HIP1R: variants seen among roughly 807,000 people sequenced by gnomAD.
The protein encoded by HIP1R is huntingtin-interacting protein 1-related protein.
A neutral mutation model predicts 144.2 loss-of-function variants in HIP1R; 135 were observed. The ratio of observed to expected loss-of-function variants is 0.94; its 90% CI spans 0.81 to 1.08. The LOEUF is 1.08. Among genes scored for constraint, HIP1R ranks in the 50% least tolerant of loss-of-function variants. The pLI is 0.00. For synonymous variants in HIP1R, 698 were observed against 612.8 expected, an observed-to-expected ratio of 1.14 and a Z score of -2.05; for missense variants, 1,462 against 1,432.8, an observed-to-expected ratio of 1.02 and a Z score of -0.33.
chr12:122,851,712 C>G (rs1342790148), intron 7 of HIP1R, among the ~76,000 whole-genome samples: 2 of 150,508 alleles, frequency 1.3e-5, no homozygotes, highest in Non-Finnish European at 3.0e-5. Context: ...AAGAAATGCC[C>G]CTGCCCCTCC....
chr12:122,854,219 T>C (rs1440190135), intron 8 of HIP1R, 36 bp downstream of exon 8: 1 of 1,592,498 alleles, frequency 6.3e-7, no homozygotes, highest in East Asian at 2.3e-5. Flanking sequence ...CCCGGAAGGC[T>C]GTGTTTATAT....
rs955351384 is a variant in HIP1R at position 122,860,838 on chromosome 12, G to C, written c.2766+54G>C. 5.6e-6 allele frequency: 9 copies of C among 1,598,276 alleles called. No homozygotes were observed. The Middle Eastern group carries it at 6.7e-4, about 118-fold the overall frequency. ...TGGGCTCTGGGCCCAGCTTGGCCTGGGCTGTGGCTGCCAAGCCCAGGCCTG... is the reference window on the plus strand; with the variant it reads ...TGGGCTCTGGGCCCAGCTTGGCCTGCGCTGTGGCTGCCAAGCCCAGGCCTG... On this transcript the variant is annotated intron_variant, in intron 28 of 31. Coordinates refer to ENST00000253083, the MANE Select transcript of HIP1R (RefSeq NM_003959.3).
In HIP1R at chr12:122,856,018, T is replaced by G; in HGVS notation, c.1167T>G (p.Asn389Lys). Residue 389 changes from asparagine (N) to lysine (K), a missense_variant, in exon 14 of 32, where the codon AAT becomes AAG. Around this residue, in one of 2 missense-constraint regions of HIP1R, gnomAD observed 1,112 missense variants for 1,011.7 expected, o/e 1.10. Coordinates refer to ENST00000253083, the MANE Select transcript of HIP1R (RefSeq NM_003959.3). ...TCGCGCAGCTGAAGAGCCAGGTGAA[T>G]GCACTGGAGGGTGAGCTGGAGGAGC... ...RYIAQLKSQVNALEGELEEQR... is the reference protein window; with the variant it reads ...RYIAQLKSQVKALEGELEEQR... 6.3e-7 allele frequency: 1 copy of G among 1,596,450 alleles called. No individual in the cohort carries two copies. The highest frequency in any genetic ancestry group is 1.1e-5 in the South Asian group (1 of 88,224).
chr12:122,839,267 G>A (rs985237210), intron 1 of HIP1R, among the ~76,000 whole-genome samples: 2 of 152,214 alleles, frequency 1.3e-5, no homozygotes, highest in African/African-American at 2.4e-5. Flanking sequence ...GCTTCACTGG[G>A]CCTCAGTTTC....
chr12:122,853,806 G>A (rs1245093616), intron 7 of HIP1R: 6 of 431,246 alleles, frequency 1.4e-5, no homozygotes, highest in Non-Finnish European at 2.5e-5. Flanking sequence ...GGAAGCCCTT[G>A]CTGAGCTGGG....
At chr12:122,852,193 C>T (rs1055482171) in intron 7 of HIP1R, among the ~76,000 whole-genome samples, 2 of 152,340 alleles carry the variant, frequency 1.3e-5, no homozygotes, top group East Asian at 1.9e-4. Flanking sequence ...TTTGGGCAGC[C>T]TCCCTGAGTC....
chr12:122,857,909 T>G, intron 18 of HIP1R, 193 bp from the exon 19 acceptor site: 1 of 454,850 alleles, frequency 2.2e-6, no homozygotes, highest in Non-Finnish European at 3.9e-6. Flanking sequence ...TGAGCTCACG[T>G]TTTAATTGGG....
intron 1 of HIP1R, among the ~76,000 whole-genome samples, chr12:122,846,894 C>G (rs1351853776): frequency 6.6e-6 from 1 of 152,224 alleles, no homozygotes; most frequent in South Asian, 2.1e-4. Flanking sequence ...ATTGGATGTC[C>G]TCTGCTCCGG....
chr12:122,861,040 G>A lies in HIP1R; in HGVS notation c.2890+1G>A. Reference sequence around the variant, plus strand: ...GGCCAGGAGCAGATTGAGGACAGAGGTGAGTGCCAGATGCCAACGGGGGCT... The same window carrying A: ...GGCCAGGAGCAGATTGAGGACAGAGATGAGTGCCAGATGCCAACGGGGGCT... On this transcript the variant is annotated splice_donor_variant, in intron 29 of 31. Transcript: ENST00000253083. LOFTEE classifies it high-confidence loss of function. The A allele has an allele frequency of 1.2e-6, 2 of 1,613,700 alleles. No individual in the cohort carries two copies. The highest frequency in any genetic ancestry group is 1.7e-6 in the Non-Finnish European group (2 of 1,180,016).
rs540891133 is a variant in HIP1R at position 122,859,848 on chromosome 12, C to G, written c.2465+18C>G. The G allele has an allele frequency of 6.2e-6, 10 of 1,607,614 alleles. No individual in the cohort carries two copies. Among genetic ancestry groups the G allele is most frequent in the Non-Finnish European group, 7.6e-6 (9 of 1,176,474 alleles). On this transcript the variant is annotated intron_variant, in intron 24 of 31. Coordinates refer to ENST00000253083, the MANE Select transcript of HIP1R (RefSeq NM_003959.3). The stretch of plus-strand genomic sequence containing the variant: ...AACGAGAGGTGAGCCCCCCTTCTGT[C>G]CCCCCAGGCCCAGCCGAGGTGGGCT...
intron 5 of HIP1R, 42 bp from the exon 6 acceptor site, chr12:122,850,793 G>GA (rs755805906): frequency 2.3e-5 from 35 of 1,490,806 alleles, no homozygotes; most frequent in Middle Eastern, 4.3e-4. Context: ...GGTGTGGGGG[G>GA]GCCCTGGTTC....
At chr12:122,853,768 C>T (rs1008516474) in intron 7 of HIP1R, 15 of 364,604 alleles carry the variant, frequency 4.1e-5, no homozygotes, top group Non-Finnish European at 6.9e-5. Context: ...TCGGGCACCT[C>T]GTCCTGGGCT....
intron 7 of HIP1R, among the ~76,000 whole-genome samples, chr12:122,853,292 G>A (rs2033455175): frequency 1.6e-5 from 1 of 63,876 alleles, no homozygotes; most frequent in Non-Finnish European, 3.2e-5. Flanking sequence ...CAGGGGCAGG[G>A]GAGACGGGCC....
chr12:122,835,536 G>C lies in HIP1R; in HGVS notation c.-15G>C. On this transcript the variant is annotated 5_prime_UTR_variant, in exon 1 of 32. Coordinates refer to ENST00000253083, the MANE Select transcript of HIP1R (RefSeq NM_003959.3). ...GCGCGGACGGAGCCGGACAAAAGCGGGCGGCGGCGGCAGGATGAACAGCAT... is the reference window on the plus strand; with the variant it reads ...GCGCGGACGGAGCCGGACAAAAGCGCGCGGCGGCGGCAGGATGAACAGCAT... The C allele has an allele frequency of 1.5e-6, 2 of 1,335,242 alleles. No homozygotes were observed. Among genetic ancestry groups the C allele is most frequent in the Non-Finnish European group, 9.7e-7 (1 of 1,035,372 alleles). The allele number at this position is 1,335,242 out of a possible 1,614,324, so 82.7% of individuals were successfully genotyped here.
chr12:122,861,504 A>C lies in HIP1R; in HGVS notation c.3149A>C (p.Gln1050Pro). ...LAQKPSVAPR[Q>P]DHQLDKKDGI... ...CAGAAGCCCAGCGTGGCCCCCAGAC[A>C]GGACCACCAGGTGCCGTCTGCACTG... The change falls in exon 31 of 32, where the codon CAG (glutamine) becomes CCG (proline). Residue 1050 changes from glutamine to proline, a missense_variant. Physicochemically the swap from Gln to Pro is moderately conservative, Grantham distance 76. Around this residue, in one of 2 missense-constraint regions of HIP1R, gnomAD observed 1,112 missense variants for 1,011.7 expected, o/e 1.10. Coordinates refer to ENST00000253083, the MANE Select transcript of HIP1R (RefSeq NM_003959.3). 6.2e-7 allele frequency: 1 copy of C among 1,610,948 alleles called. No homozygotes were observed. Among genetic ancestry groups the C allele is most frequent in the East Asian group, 2.2e-5 (1 of 44,778 alleles).
At chr12:122,854,995 G>A (rs773944111) in intron 9 of HIP1R, 33 bp downstream of exon 9, 124 of 1,613,250 alleles carry the variant, frequency 7.7e-5, no homozygotes, top group Non-Finnish European at 9.9e-5. Flanking sequence ...GATTGAGGCC[G>A]GTGGGGGAGA....
Position 122,861,379 on chromosome 12 carries a change from C to T in HIP1R, c.3024C>T (p.His1008=). Residue 1008 remains histidine, a synonymous_variant, in exon 31 of 32, where the codon CAC becomes CAT. Coordinates refer to ENST00000253083, the MANE Select transcript of HIP1R (RefSeq NM_003959.3). ...RMRLGELRKQ[H]YVLAGASGSP... ...GGCTGGGGGAGTTGCGGAAGCAACA[C>T]TACGTGCTGGCTGGGGCATCAGGCA... 2 of 1,613,582 alleles carry T rather than the reference C, an allele frequency of 1.2e-6. No individual in the cohort carries two copies. The highest frequency in any genetic ancestry group is 1.7e-6 in the Non-Finnish European group (2 of 1,179,924).
intron 23 of HIP1R, 111 bp from the exon 24 acceptor site, chr12:122,859,660 GT>G: frequency 7.1e-7 from 1 of 1,408,128 alleles, no homozygotes; most frequent in Middle Eastern, 1.8e-4. Context: ...GACAGATGGC[GT>G]TTTCCAGGGG....
At position 122,859,483 on chromosome 12, in the gene HIP1R, A is replaced by T. The variant is rs762699743; in HGVS notation, c.2353A>T (p.Lys785Ter). Residue 785 changes from lysine to a stop codon, truncating the protein, a stop_gained, in exon 23 of 32, where the codon AAG becomes TAG. Coordinates refer to ENST00000253083, the MANE Select transcript of HIP1R (RefSeq NM_003959.3). LOFTEE classifies it high-confidence loss of function. ...RQEELGAVVD[K>*]EMAATSAAIE... The stretch of plus-strand genomic sequence containing the variant: ...GGAGGAGCTGGGGGCCGTGGTCGAC[A>T]AGGAGATGGCGGCCACATCCGCAGC... 3 of 1,613,340 alleles carry T rather than the reference A, an allele frequency of 1.9e-6. No individual in the cohort carries two copies. Among genetic ancestry groups the T allele is most frequent in the Non-Finnish European group, 2.5e-6 (3 of 1,179,948 alleles).
Sources: allele counts gnomAD v4.1 joint callset (sites outside exome capture counted in the v4.1 genomes callset), GRCh38; gene constraint gnomAD v4.1.1; regional missense constraint gnomAD v4.1.1; transcripts MANE v1.5; gene names NCBI Gene and HGNC (gene_info 2026-07-23, HGNC 2026-07-21).